The following ARID4A variants were observed in gnomAD, a reference collection of about 807,000 sequenced individuals.
The protein encoded by ARID4A is AT-rich interactive domain-containing protein 4A.
In ARID4A, 39 loss-of-function variants were observed where a neutral mutation model predicts 148.6. The ratio of observed to expected loss-of-function variants is 0.26; its 90% CI spans 0.20 to 0.34. The LOEUF is 0.34. Ranked by LOEUF, ARID4A falls within the 10% of genes least tolerant of loss-of-function variation. The pLI is 1.00. For missense variants in ARID4A, 1,265 were observed against 1,449.1 expected, an observed-to-expected ratio of 0.87 and a Z score of 2.06; for synonymous variants, 475 against 481.2, an observed-to-expected ratio of 0.99 and a Z score of 0.17.
chr14:58,330,512 G>A (rs2033464251), intron 11 of ARID4A, among the ~76,000 whole-genome samples: 1 of 152,082 alleles, frequency 6.6e-6, no homozygotes, highest in Non-Finnish European at 1.5e-5. Flanking sequence ...ACCATATGAA[G>A]TAACTGTTGT....
In ARID4A at chr14:58,372,328, A is replaced by G. The variant is rs559337049; in HGVS notation, c.*339A>G. The stretch of plus-strand genomic sequence containing the variant: ...GTGTTACAGAAATCGTAGACAAGCA[A>G]GTGCACATGATAAACATCAAAATAT... On this transcript the variant is annotated 3_prime_UTR_variant, in exon 24 of 24. Coordinates refer to ENST00000355431, the MANE Select transcript of ARID4A (RefSeq NM_002892.4). The G allele has an allele frequency of 5.7e-4, 156 of 275,868 alleles. No homozygotes were observed. Among genetic ancestry groups the G allele is most frequent in the Non-Finnish European group, 9.6e-4 (140 of 146,436 alleles). 17.1% of individuals were successfully genotyped at this position (275,868 alleles called of 1,614,324 possible). A position where few individuals can be genotyped will look rare whatever the true frequency, so the allele number is the denominator to read the frequency against.
chr14:58,368,211 TA>T (rs1418108566), intron 23 of ARID4A, among the ~76,000 whole-genome samples: 2 of 152,200 alleles, frequency 1.3e-5, no homozygotes, highest in African/African-American at 4.8e-5. Context: ...GCATACTGAA[TA>T]GTTAGATTGC....
intron 3 of ARID4A, among the ~76,000 whole-genome samples, chr14:58,302,041 A>G (rs1236821039): frequency 6.6e-6 from 1 of 152,210 alleles, no homozygotes; most frequent in East Asian, 1.9e-4. Flanking sequence ...TGTTTTCAAG[A>G]CAGTGTAAAA....
intron 5 of ARID4A, among the ~76,000 whole-genome samples, chr14:58,315,115 T>C (rs1163677251): frequency 6.6e-6 from 1 of 152,140 alleles, no homozygotes; most frequent in Admixed American, 6.6e-5. Flanking sequence ...TGAGACTCTG[T>C]CTCTAAATAA....
intron 2 of ARID4A, among the ~76,000 whole-genome samples, chr14:58,300,839 G>C (rs1014692875): frequency 1.3e-5 from 2 of 151,196 alleles, no homozygotes; most frequent in Non-Finnish European, 2.9e-5. Flanking sequence ...GACAGATTGA[G>C]ATAGCAATCA....
intron 23 of ARID4A, among the ~76,000 whole-genome samples, chr14:58,369,262 C>G (rs920324788): frequency 1.3e-5 from 2 of 152,284 alleles, no homozygotes; most frequent in South Asian, 4.1e-4. Context: ...AAAGGACTCA[C>G]TGTGCCCTCT....
chr14:58,346,234 A>G (rs2034358265), intron 12 of ARID4A, among the ~76,000 whole-genome samples, 177 bp from the exon 13 acceptor site: 1 of 149,952 alleles, frequency 6.7e-6, no homozygotes, highest in African/African-American at 2.4e-5. Context: ...AAAAAGAATT[A>G]TTATATATAA....
chr14:58,304,303 A>G (rs1318065606), intron 3 of ARID4A, among the ~76,000 whole-genome samples: 2 of 152,176 alleles, frequency 1.3e-5, no homozygotes, highest in African/African-American at 4.8e-5. Flanking sequence ...CAAATTTGGT[A>G]TTGTGGCTCT....
In ARID4A at chr14:58,306,194, T is replaced by C. The variant is rs2031584701; in HGVS notation, c.274+82T>C. On this transcript the variant is annotated intron_variant, in intron 5 of 23. Coordinates refer to ENST00000355431, the MANE Select transcript of ARID4A (RefSeq NM_002892.4). ...TTTGTGGATACACTGAATCATTGTG[T>C]TGGTGGAGAAATATATATTATTTCC... 5 of 983,468 alleles carry C rather than the reference T, an allele frequency of 5.1e-6. No homozygotes were observed. In the East Asian group the frequency reaches 1.2e-4, roughly 24 times the overall value. The allele number at this position is 983,468 out of a possible 1,614,324, so 60.9% of individuals were successfully genotyped here. A position where few individuals can be genotyped will look rare whatever the true frequency, so the allele number is the denominator to read the frequency against.
At chr14:58,305,657 T>C (rs919622095) in intron 4 of ARID4A, among the ~76,000 whole-genome samples, 5 of 152,316 alleles carry the variant, frequency 3.3e-5, no homozygotes, top group East Asian at 1.9e-4. Flanking sequence ...GGTTGTCTTA[T>C]AATTTTACAG....
intron 7 of ARID4A, 25 bp from the exon 8 acceptor site, chr14:58,323,460 A>G: frequency 6.3e-7 from 1 of 1,594,928 alleles, no homozygotes; most frequent in Non-Finnish European, 8.6e-7. Context: ...TGTTAGGATA[A>G]TGATCAAGTT....
At chr14:58,320,887 A>G (rs1321458953) in intron 7 of ARID4A, among the ~76,000 whole-genome samples, 3 of 152,258 alleles carry the variant, frequency 2.0e-5, no homozygotes, top group Admixed American at 6.5e-5. Context: ...GATTACAGGC[A>G]TGAGCCACCA....
rs768220344 is a variant in ARID4A, at chr14:58,365,118, C to G, written c.3029C>G (p.Thr1010Ser). 6.2e-7 allele frequency: 1 copy of G among 1,614,122 alleles called. No individual in the cohort carries two copies. Among genetic ancestry groups the G allele is most frequent in the Non-Finnish European group, 8.5e-7 (1 of 1,179,984 alleles). The change falls in exon 20 of 24, where the codon ACT becomes AGT. Residue 1010 changes from threonine to serine, a missense_variant. Physicochemically the swap from Thr to Ser is moderately conservative, Grantham distance 58. Around this residue, in one of 9 missense-constraint regions of ARID4A, gnomAD observed 666 missense variants for 730.9 expected, o/e 0.91. Transcript: ENST00000355431. ...AACTTTTCAGTAGCTTCACCACTTACTCTTAGTCAAGATGAGTCTCGAAGC... is the reference window on the plus strand; with the variant it reads ...AACTTTTCAGTAGCTTCACCACTTAGTCTTAGTCAAGATGAGTCTCGAAGC... ...QHNFSVASPL[T>S]LSQDESRSVK...
chr14:58,338,162 AAAC>A (rs1234952388), intron 11 of ARID4A, among the ~76,000 whole-genome samples: 1 of 152,200 alleles, frequency 6.6e-6, no homozygotes, highest in Non-Finnish European at 1.5e-5. Flanking sequence ...AGTAAATGAT[AAAC>A]AACAGCTGAG....
At chr14:58,369,968 T>C (rs1312707652) in intron 23 of ARID4A, 2 of 152,238 alleles carry the variant, frequency 1.3e-5, no homozygotes, top group African/African-American at 2.4e-5. Flanking sequence ...GGGTTGATCA[T>C]GTTGAGAGAA....
intron 3 of ARID4A, among the ~76,000 whole-genome samples, chr14:58,303,353 C>T (rs1417281858): frequency 6.6e-6 from 1 of 152,170 alleles, no homozygotes; most frequent in Non-Finnish European, 1.5e-5. Context: ...GCATTGTTAA[C>T]TACAGTCATC....
chr14:58,339,443 C>T (rs1011769625), intron 11 of ARID4A, among the ~76,000 whole-genome samples: 8 of 152,108 alleles, frequency 5.3e-5, no homozygotes, highest in African/African-American at 1.9e-4. Context: ...ATATGTTATA[C>T]GCTAGGAAAC....
At chr14:58,301,299 AATAG>A (rs1456574831) in intron 2 of ARID4A, among the ~76,000 whole-genome samples, 1 of 74,084 alleles carries the variant, frequency 1.3e-5, no homozygotes, top group African/African-American at 5.1e-5. Flanking sequence ...CTGCTTATAT[AATAG>A]TAGAATTTTT....
intron 4 of ARID4A, among the ~76,000 whole-genome samples, chr14:58,305,281 A>G (rs958928507): frequency 2.0e-4 from 31 of 152,220 alleles, no homozygotes; most frequent in Non-Finnish European, 4.1e-4. Context: ...TGAACTGGAT[A>G]CCTGGCTTTG....
Sources: allele counts gnomAD v4.1 joint callset (sites outside exome capture counted in the v4.1 genomes callset), GRCh38; gene constraint gnomAD v4.1.1; regional missense constraint gnomAD v4.1.1; transcripts MANE v1.5; gene names NCBI Gene and HGNC (gene_info 2026-07-23, HGNC 2026-07-21).